QRICH1: variants seen among roughly 807,000 people sequenced by gnomAD.
QRICH1 encodes glutamine rich 1.
QRICH1 carries 16 observed loss-of-function variants against 87.1 expected under a neutral mutation model. The observed-to-expected ratio is 0.18, with a 90% confidence interval of 0.12 to 0.28. The LOEUF (loss-of-function observed/expected upper bound fraction) is 0.28, where lower values mean the gene tolerates loss of function less well. QRICH1 is among the 10% of genes least tolerant of loss of function. The pLI, the probability that QRICH1 is intolerant of heterozygous loss-of-function variation, is 1.00. For synonymous variants in QRICH1, 367 were observed against 368.4 expected (o/e 1.00, Z 0.05); for missense variants, 647 against 951.7 (o/e 0.68, Z 4.21).
At chr3:49,032,987 C>G (rs2093251371) in intron 7 of QRICH1, 133 bp downstream of exon 7, 2 of 927,410 alleles carry the variant, frequency 2.2e-6, no homozygotes, top group East Asian at 5.8e-5. Context: ...AAATAAAATG[C>G]AGCCAAGTGG....
At chr3:49,075,354 G>A in intron 2 of QRICH1, among the ~76,000 whole-genome samples, 1 of 150,376 alleles carries the variant, frequency 6.6e-6, no homozygotes, top group African/African-American at 2.4e-5. Context: ...AAAAAAGTCA[G>A]GCGCCGTGGC....
intron 2 of QRICH1, among the ~76,000 whole-genome samples, chr3:49,068,714 C>T (rs879485620): frequency 3.6e-4 from 54 of 151,528 alleles, no homozygotes; most frequent in Non-Finnish European, 4.0e-4. Context: ...CTGCAACCTC[C>T]GCTTCCTGGG....
At chr3:49,071,643 G>A (rs931692611) in intron 2 of QRICH1, among the ~76,000 whole-genome samples, 6 of 152,118 alleles carry the variant, frequency 3.9e-5, no homozygotes, top group African/African-American at 7.2e-5. Context: ...GGAAGAGGAG[G>A]TCAAAGCTGT....
chr3:49,033,028 AAT>A (rs1321980038), intron 7 of QRICH1, 90 bp downstream of exon 7: 1 of 1,111,290 alleles, frequency 9.0e-7, no homozygotes, highest in African/African-American at 1.6e-5. Context: ...CAGTTTCTCA[AAT>A]ATATGTCAGA....
intron 3 of QRICH1, among the ~76,000 whole-genome samples, chr3:49,051,738 G>T (rs2093372576): frequency 6.6e-6 from 1 of 152,048 alleles, no homozygotes; most frequent in African/African-American, 2.4e-5. Context: ...TCGTTCAATG[G>T]CAACATCATT....
At chr3:49,079,430 ATAT>A (rs969927619) in intron 1 of QRICH1, among the ~76,000 whole-genome samples, 17 of 148,058 alleles carry the variant, frequency 1.1e-4, no homozygotes, top group African/African-American at 3.4e-4. Context: ...TTATAATAAA[ATAT>A]TATAATAATT....
intron 5 of QRICH1, among the ~76,000 whole-genome samples, chr3:49,045,964 G>A (rs1190574614): frequency 6.6e-6 from 1 of 150,738 alleles, no homozygotes; most frequent in East Asian, 1.9e-4. Flanking sequence ...CACCCAGACT[G>A]GAGTAAAATG....
chr3:49,031,757 T>A (rs1245317474), intron 9 of QRICH1, among the ~76,000 whole-genome samples: 1 of 151,458 alleles, frequency 6.6e-6, no homozygotes. Flanking sequence ...CAAGGGGGAG[T>A]GCATCAAAGG....
At chr3:49,031,779 A>G (rs1206383205) in intron 9 of QRICH1, among the ~76,000 whole-genome samples, 1 of 152,240 alleles carries the variant, frequency 6.6e-6, no homozygotes, top group Non-Finnish European at 1.5e-5. Context: ...GTTGTCTGCC[A>G]TAAAAGAATT....
intron 3 of QRICH1, 140 bp downstream of exon 3, chr3:49,056,722 C>T: frequency 7.2e-7 from 1 of 1,391,696 alleles, no homozygotes; most frequent in Non-Finnish European, 9.8e-7. Context: ...ATGTTTCTCC[C>T]CCTCTTCTCC....
chr3:49,082,963 T>A (rs2042092117), intron 1 of QRICH1, among the ~76,000 whole-genome samples: 1 of 150,248 alleles, frequency 6.7e-6, no homozygotes, highest in African/African-American at 2.4e-5. Flanking sequence ...ACTATGGACT[T>A]TGGGGGGCCA....
intron 6 of QRICH1, among the ~76,000 whole-genome samples, chr3:49,034,106 A>ATTATTATTATTATTC (rs1478747178): frequency 8.6e-5 from 13 of 150,962 alleles, no homozygotes; most frequent in Non-Finnish European, 2.9e-5. Flanking sequence ...TATTATTATT[A>ATTATTATTATTATTC]TTAGCTAAGA....
At chr3:49,043,549 G>A (rs1412536265) in intron 6 of QRICH1, among the ~76,000 whole-genome samples, 2 of 138,594 alleles carry the variant, frequency 1.4e-5, no homozygotes, top group Non-Finnish European at 3.1e-5. Context: ...AAATAGGCCA[G>A]GCACGGTGGT....
intron 2 of QRICH1, among the ~76,000 whole-genome samples, chr3:49,065,704 G>A (rs1196622195): frequency 6.7e-6 from 1 of 149,914 alleles, no homozygotes; most frequent in African/African-American, 2.5e-5. Context: ...TTTTTGAGAC[G>A]GAGTCTCCCT....
At chr3:49,093,286 G>A (rs2042314055) in intron 1 of QRICH1, 1 of 152,174 alleles carries the variant, frequency 6.6e-6, no homozygotes, top group South Asian at 2.1e-4. Context: ...TCTTCGAGGA[G>A]AACGGGCAAT....
chr3:49,083,226 G>A (rs907324760), intron 1 of QRICH1: 1 of 146,334 alleles, frequency 6.8e-6, no homozygotes, highest in Admixed American at 6.8e-5. Flanking sequence ...AAAAAGGGGG[G>A]GGGGGAGCCT....
At chr3:49,052,563 T>A (rs2093377278) in intron 3 of QRICH1, among the ~76,000 whole-genome samples, 1 of 152,206 alleles carries the variant, frequency 6.6e-6, no homozygotes, top group African/African-American at 2.4e-5. Flanking sequence ...TGGAGTGCAG[T>A]GGCGCGATCT....
chr3:49,058,925 G>T (rs561482984), intron 2 of QRICH1, among the ~76,000 whole-genome samples: 15 of 149,108 alleles, frequency 1.0e-4, no homozygotes, highest in Non-Finnish European at 1.6e-4. Context: ...ACCACGGCCA[G>T]CATTTTAAAA....
intron 3 of QRICH1, among the ~76,000 whole-genome samples, chr3:49,047,466 T>A (rs2093345112): frequency 6.6e-6 from 1 of 150,964 alleles, no homozygotes; most frequent in Admixed American, 6.6e-5. Context: ...CAGCCTTGGC[T>A]GCACTTTTAA....
Sources: gnomAD v4.1 joint callset for allele counts (sites outside exome capture counted in the v4.1 genomes callset) on GRCh38, gnomAD v4.1.1 for gene constraint, MANE v1.5 for transcripts, NCBI Gene and HGNC (gene_info 2026-07-23, HGNC 2026-07-21) for gene names.